Variants in GPR179 observed in about 807,000 individuals in gnomAD.
GPR179 encodes the protein probable G protein-coupled receptor 179.
Under a neutral mutation model 70.8 loss-of-function variants are expected in GPR179, and 52 were observed. The observed-to-expected ratio is 0.73, with a 90% CI of 0.59 to 0.93. GPR179 has a LOEUF of 0.93. Among genes scored for constraint, GPR179 ranks in the 40% least tolerant of loss-of-function variants. GPR179 has a pLI of 0.00. For synonymous variants in GPR179, 1,123 were observed against 1,169.0 expected (o/e 0.96, Z 0.80); for missense variants, 2,734 against 2,966.8 (o/e 0.92, Z 1.82).
intron 1 of GPR179, among the ~76,000 whole-genome samples, chr17:38,341,559 G>A (rs962381188): frequency 2.0e-5 from 3 of 152,208 alleles, no homozygotes; most frequent in Non-Finnish European, 4.4e-5. Context: ...ACCCTGCTGG[G>A]AACAATGAAT....
chr17:38,337,332 G>A, intron 3 of GPR179, 119 bp from the exon 4 acceptor site: 1 of 1,351,634 alleles, frequency 7.4e-7, no homozygotes, highest in Non-Finnish European at 9.9e-7. Flanking sequence ...TGGGGCTCCA[G>A]GGACAAGTGG....
chr17:38,328,046 C>A lies in GPR179; in HGVS notation c.5523G>T (p.Glu1841Asp). ...CCTTTTCTAGAGCTTTCTCCCTCTG[C>A]TCTGCTGATTCACTCCCTGCCTTTT... ...LDQKAGSESAEQREKALEKGR... is the reference protein window; with the variant it reads ...LDQKAGSESADQREKALEKGR... The change falls in exon 11 of 11, where the codon GAG (glutamate) becomes GAT (aspartate). Residue 1841 changes from glutamate (E) to aspartate (D), a missense_variant. Physicochemically the swap from Glu to Asp is conservative, Grantham distance 45. Coordinates refer to ENST00000616987, the MANE Select transcript of GPR179 (RefSeq NM_001004334.4). 1 of 1,614,142 alleles carries A rather than the reference C, an allele frequency of 6.2e-7. No individual in the cohort carries two copies. Among genetic ancestry groups the A allele is most frequent in the Admixed American group, 1.7e-5 (1 of 60,028 alleles).
Position 38,339,514 on chromosome 17 carries a change from T to C in GPR179, c.806A>G (p.Gln269Arg). ...CACACTCTGGAGATCTACGTCCATC[T>C]GCACCTGCCCCCTACGGCAGTGAAT... The part of the protein sequence containing the change: ...DLSPEVRGQV[Q>R]MDVDLQSVDI... The change falls in exon 2 of 11, where the codon CAG becomes CGG. Residue 269 changes from glutamine (Q) to arginine (R), a missense_variant. Transcript: ENST00000616987. The C allele has an allele frequency of 6.2e-7, 1 of 1,613,586 alleles. No homozygotes were observed. Among genetic ancestry groups the C allele is most frequent in the South Asian group, 1.1e-5 (1 of 91,064 alleles).
At position 38,331,057 on chromosome 17, in the gene GPR179, G is replaced by A. The variant is rs1216747330; in HGVS notation, c.2512C>T (p.Gln838Ter). 3.7e-6 allele frequency: 6 copies of A among 1,606,398 alleles called. No individual in the cohort carries two copies. The highest frequency in any genetic ancestry group is 2.7e-5 in the African/African-American group (2 of 74,936). The change falls in exon 11 of 11, where the codon CAG becomes TAG. Residue 838 changes from glutamine (Q) to a stop codon, truncating the protein, a stop_gained. Transcript: ENST00000616987. LOFTEE classifies it low-confidence loss of function (END_TRUNC). ...GAGCTGGCCACACTGAGCGACTTCT[G>A]CAGAGAGGCGGGCCGGGCTCTGGGT... ...RLPRARPASL[Q>*]KSLSVASSRE...
intron 10 of GPR179, 29 bp from the exon 11 acceptor site, chr17:38,331,560 C>T (rs1219963754): frequency 6.4e-7 from 1 of 1,573,008 alleles, no homozygotes; most frequent in South Asian, 1.2e-5. Flanking sequence ...GAAAGCAGGG[C>T]TGCAGGTGAG....
At position 38,326,720 on chromosome 17, in the gene GPR179, CAG is replaced by C. The variant is rs776844195; in HGVS notation, c.6847_6848del (p.Leu2283GlyfsTer36). ...KPLCLLVHGP[L>X]DHFFPESKIP... is the part of the protein sequence containing the mutation. ...TTTTGCTTTCTGGAAAGAAGTGATC[CAG>C]AGGCCCATGGACTAAAAGGCATAGT... On this transcript the variant is annotated frameshift_variant, in exon 11 of 11. Transcript: ENST00000616987. LOFTEE classifies it low-confidence loss of function (END_TRUNC). 2.6e-5 allele frequency: 42 copies of C among 1,614,074 alleles called. No individual in the cohort carries two copies. The highest frequency in any genetic ancestry group is 1.6e-4 in the Middle Eastern group (1 of 6,084).
rs1217900590 is a variant in GPR179 at position 38,327,157 on chromosome 17, C to G, written c.6412G>C (p.Gly2138Arg). 12 of 1,614,254 alleles carry G rather than the reference C, an allele frequency of 7.4e-6. No individual in the cohort carries two copies. Among genetic ancestry groups the G allele is most frequent in the Non-Finnish European group, 1.0e-5 (12 of 1,180,046 alleles). ...AEICPWEAGG[G>R]AAEEGEQERE... is the part of the protein sequence containing the mutation. ...TCCTGTTCCCCTTCCTCTGCTGCTCCTCCACCCGCCTCCCAAGGGCAGATC... is the reference window on the plus strand; with the variant it reads ...TCCTGTTCCCCTTCCTCTGCTGCTCGTCCACCCGCCTCCCAAGGGCAGATC... Residue 2138 changes from glycine (G) to arginine (R), a missense_variant, in exon 11 of 11, where the codon GGA (glycine) becomes CGA (arginine). By Grantham distance (125) the Gly-to-Arg change is moderately radical. Coordinates refer to ENST00000616987, the MANE Select transcript of GPR179 (RefSeq NM_001004334.4).
At chr17:38,332,356 C>G (rs1348592962) in intron 10 of GPR179, among the ~76,000 whole-genome samples, 1 of 152,194 alleles carries the variant, frequency 6.6e-6, no homozygotes, top group Admixed American at 6.5e-5. Context: ...AGATTATCAG[C>G]TCTCCTTGTA....
intron 1 of GPR179, among the ~76,000 whole-genome samples, chr17:38,342,571 T>C (rs2037458216): frequency 6.6e-6 from 1 of 152,198 alleles, no homozygotes; most frequent in Admixed American, 6.5e-5. Context: ...ACTCCTGACC[T>C]CAGGTGATCC....
In GPR179 at chr17:38,329,739, C is replaced by T. The variant is rs1017099359; in HGVS notation, c.3830G>A (p.Arg1277Lys). The change falls in exon 11 of 11, where the codon AGG becomes AAG. Residue 1277 changes from arginine (R) to lysine (K), a missense_variant. Arg to Lys is a conservative substitution (Grantham distance 26, BLOSUM62 2). Coordinates refer to ENST00000616987, the MANE Select transcript of GPR179 (RefSeq NM_001004334.4). ...GTCACCTGGGTCTTGTCTTAGTGCCCTCGACTCTGGGGCTCCTTCACTCGT... is the reference window on the plus strand; with the variant it reads ...GTCACCTGGGTCTTGTCTTAGTGCCTTCGACTCTGGGGCTCCTTCACTCGT... Reference protein sequence around the residue: ...WETSEGAPESRALRQDPGDSQ... With the variant: ...WETSEGAPESKALRQDPGDSQ... 6.2e-7 allele frequency: 1 copy of T among 1,614,106 alleles called. No homozygotes were observed. Among genetic ancestry groups the T allele is most frequent in the Non-Finnish European group, 8.5e-7 (1 of 1,180,012 alleles).
Position 38,328,917 on chromosome 17 carries a change from T to C in GPR179, c.4652A>G (p.Asp1551Gly). The C allele has an allele frequency of 6.2e-7, 1 of 1,614,142 alleles. No individual in the cohort carries two copies. The highest frequency in any genetic ancestry group is 1.1e-5 in the South Asian group (1 of 91,084). ...TVPGHSSPCL[D>G]NSSSKAGSQF... ...GCTACCAGCTTTGGATGAGGAATTG[T>C]CTAGACATGGGCTGGAGTGCCCAGG... Residue 1551 changes from aspartate to glycine, a missense_variant, in exon 11 of 11, where the codon GAC (aspartate) becomes GGC (glycine). By Grantham distance (94) the Asp-to-Gly change is moderately conservative (BLOSUM62 -1). Coordinates refer to ENST00000616987, the MANE Select transcript of GPR179 (RefSeq NM_001004334.4).
chr17:38,328,204 G>A lies in GPR179; in HGVS notation c.5365C>T (p.Gln1789Ter). The change falls in exon 11 of 11, where the codon CAG (glutamine) becomes TAG (stop). Residue 1789 changes from glutamine to a stop codon, truncating the protein, a stop_gained. Transcript: ENST00000616987. LOFTEE classifies it low-confidence loss of function (END_TRUNC). ...CTGCAGCCCATATGATCCAGTTCCT[G>A]GAACCCAGCTTTTGGTCCATCAGCA... Reference protein sequence around the residue: ...LDADGPKAGFQELDHMGCRPG... With the variant: ...LDADGPKAGF 2 of 1,613,446 alleles carry A rather than the reference G, an allele frequency of 1.2e-6. No homozygotes were observed. The highest frequency in any genetic ancestry group is 1.7e-6 in the Non-Finnish European group (2 of 1,179,962).
chr17:38,336,551 T>C (rs758869871), intron 4 of GPR179, among the ~76,000 whole-genome samples: 10 of 152,200 alleles, frequency 6.6e-5, no homozygotes, highest in Non-Finnish European at 1.2e-4. Context: ...GCCTGGCTCA[T>C]GTCACATCCA....
chr17:38,337,143 C>G lies in GPR179; in HGVS notation c.1062G>C (p.Leu354=), dbSNP rs1362569502. The change falls in exon 4 of 11, where the codon CTG becomes CTC. Residue 354 remains leucine (L), a synonymous_variant. Coordinates refer to ENST00000616987, the MANE Select transcript of GPR179 (RefSeq NM_001004334.4). The part of the protein sequence containing the change: ...GFPEGRSGRL[L]QCLPCPEGCT... ...AGCCCTCAGGACATGGCAGACACTG[C>G]AGCAGTCTCCCAGATCTGCCTTCTG... 6.2e-7 allele frequency: 1 copy of G among 1,612,814 alleles called. No homozygotes were observed. Among genetic ancestry groups the G allele is most frequent in the South Asian group, 1.1e-5 (1 of 90,728 alleles).
chr17:38,337,319 A>G, intron 3 of GPR179, 106 bp from the exon 4 acceptor site: 3 of 1,429,842 alleles, frequency 2.1e-6, no homozygotes, highest in Non-Finnish European at 2.8e-6. Context: ...TTCTCCTGTG[A>G]TCTGGGGCTC....
intron 5 of GPR179, 71 bp downstream of exon 5, chr17:38,336,005 G>T: frequency 1.9e-6 from 2 of 1,074,598 alleles, no homozygotes; most frequent in Non-Finnish European, 2.9e-6. Flanking sequence ...GGGTTCTGGG[G>T]CTTGGAGGGT....
chr17:38,339,332 C>T lies in GPR179; in HGVS notation c.903+85G>A, dbSNP rs762645531. ...GATGCTGGGGTAGCTTTGTCTGCTG[C>T]TCCTGGGAGCTGCATGGTGGCGGTG... On this transcript the variant is annotated intron_variant, in intron 2 of 10. Transcript: ENST00000616987. 1,122 of 819,456 alleles carry T rather than the reference C, an allele frequency of 1.4e-3. 6 individuals are homozygous for T. The highest frequency in any genetic ancestry group is 3.4e-3 in the Middle Eastern group (11 of 3,202). 50.8% of individuals were successfully genotyped at this position (819,456 alleles called of 1,614,324 possible).
rs778125954 is a variant in GPR179 at position 38,343,166 on chromosome 17, G to A, written c.624C>T (p.Ser208=). 2.5e-6 allele frequency: 4 copies of A among 1,614,126 alleles called. No individual in the cohort carries two copies. The highest frequency in any genetic ancestry group is 1.3e-5 in the African/African-American group (1 of 75,042). The change falls in exon 1 of 11, where the codon AGC becomes AGT. Residue 208 remains serine (S), a synonymous_variant. Transcript: ENST00000616987. The surrounding 1 kb of genome is among the most constrained non-coding windows in gnomAD (Gnocchi z 4.2). ...KKRVLTNDLG[S]LGSPKWPQAD... ...CCTGCGGCCACTTGGGGCTGCCGAGGCTCCCTAGGTCATTGGTCAACACTC... is the reference window on the plus strand; with the variant it reads ...CCTGCGGCCACTTGGGGCTGCCGAGACTCCCTAGGTCATTGGTCAACACTC...
In GPR179 at chr17:38,329,599, C is replaced by T. The variant is rs201039021; in HGVS notation, c.3970G>A (p.Glu1324Lys). 3.4e-4 allele frequency: 547 copies of T among 1,614,074 alleles called. No homozygotes were observed. The highest frequency in any genetic ancestry group is 4.5e-4 in the Non-Finnish European group (526 of 1,180,044). Residue 1324 changes from glutamate (E) to lysine (K), a missense_variant, in exon 11 of 11, where the codon GAG (glutamate) becomes AAG (lysine). Glu to Lys is a moderately conservative substitution (Grantham distance 56). Coordinates refer to ENST00000616987, the MANE Select transcript of GPR179 (RefSeq NM_001004334.4). ...GACAGACCTCCTCGATCGGCACTCT[C>T]CCAGGGACACACTGCTTCCTGCTCC... is the stretch of plus-strand genomic sequence containing the variant. ...VREQEAVCPW[E>K]SADRGGLSPG...
Sources: allele counts gnomAD v4.1 joint callset (sites outside exome capture counted in the v4.1 genomes callset), GRCh38; gene constraint gnomAD v4.1.1; non-coding constraint Gnocchi (gnomAD v3.1); transcripts MANE v1.5; gene names NCBI Gene and HGNC (gene_info 2026-07-23, HGNC 2026-07-21).